Variants in MAP3K9 observed in about 807,000 individuals in gnomAD.
The protein encoded by MAP3K9 is mitogen-activated protein kinase kinase kinase 9, also known as mixed lineage kinase 1 (tyr and ser/thr specificity).
In MAP3K9, 46 loss-of-function variants were observed where a neutral mutation model predicts 95.8. The ratio of observed to expected loss-of-function variants is 0.48; its 90% CI spans 0.38 to 0.61. The LOEUF (loss-of-function observed/expected upper bound fraction) is 0.61, where lower values mean the gene tolerates loss of function less well. MAP3K9 is among the 20% of genes least tolerant of loss of function. MAP3K9 has a pLI of 0.00. For synonymous variants in MAP3K9, 533 were observed against 593.8 expected, an observed-to-expected ratio of 0.90 and a Z score of 1.49; for missense variants, 1,296 against 1,474.3, an observed-to-expected ratio of 0.88 and a Z score of 1.98.
At chr14:70,747,877 G>C (rs759730798) in intron 5 of MAP3K9, among the ~76,000 whole-genome samples, 1 of 152,092 alleles carries the variant, frequency 6.6e-6, no homozygotes, top group Non-Finnish European at 1.5e-5. Context: ...GGGAGGCCGA[G>C]GTGGGCGGAT....
At position 70,732,947 on chromosome 14, in the gene MAP3K9, T is replaced by C; in HGVS notation, c.2422A>G (p.Thr808Ala). The change falls in exon 11 of 12, where the codon ACC becomes GCC. Residue 808 changes from threonine to alanine, a missense_variant. This residue lies in a region of MAP3K9 where 433 missense variants were observed against 441.4 expected (regional missense o/e 0.98). Transcript: ENST00000554752. Reference sequence around the variant, plus strand: ...AAAAGCTTTCGGGATGGGGGGCTGGTGCTCCGACGAGGACGGCTGGACCTC... The same window carrying C: ...AAAAGCTTTCGGGATGGGGGGCTGGCGCTCCGACGAGGACGGCTGGACCTC... ...FQRSSRPRRS[T>A]SPPSRKLFKK... 6.2e-7 allele frequency: 1 copy of C among 1,614,082 alleles called. No homozygotes were observed. The highest frequency in any genetic ancestry group is 8.5e-7 in the Non-Finnish European group (1 of 1,179,982).
At chr14:70,755,270 C>T (rs2054284235) in intron 3 of MAP3K9, among the ~76,000 whole-genome samples, 1 of 152,214 alleles carries the variant, frequency 6.6e-6, no homozygotes, top group African/African-American at 2.4e-5. Context: ...CCCTGGCCCT[C>T]CCTGAGACAC....
At position 70,734,508 on chromosome 14, in the gene MAP3K9, A is replaced by G; in HGVS notation, c.1914-10T>C. The G allele has an allele frequency of 6.8e-7, 1 of 1,481,402 alleles. No individual in the cohort carries two copies. The highest frequency in any genetic ancestry group is 1.1e-5 in the South Asian group (1 of 87,312). The allele number at this position is 1,481,402 out of a possible 1,614,324, so 91.8% of individuals were successfully genotyped here. On this transcript the variant is annotated splice_polypyrimidine_tract_variant and intron_variant, in intron 9 of 11. Coordinates refer to ENST00000554752, the MANE Select transcript of MAP3K9 (RefSeq NM_001284230.2). ...TACCAGGGACTTGAGGCTGAATCAG[A>G]GGAAAAGAGGAAACTGTCAGAACTG... is the stretch of plus-strand genomic sequence containing the variant.
intron 2 of MAP3K9, among the ~76,000 whole-genome samples, chr14:70,781,367 T>C (rs2054674094): frequency 6.6e-6 from 1 of 152,222 alleles, no homozygotes; most frequent in Admixed American, 6.5e-5. Context: ...GTGAACAACC[T>C]TCAGATGGTT....
intron 2 of MAP3K9, among the ~76,000 whole-genome samples, chr14:70,772,092 C>T (rs942183511): frequency 1.3e-5 from 2 of 152,198 alleles, no homozygotes; most frequent in African/African-American, 2.4e-5. Flanking sequence ...CTAGACTCCC[C>T]GACTCGACCT....
intron 5 of MAP3K9, among the ~76,000 whole-genome samples, chr14:70,743,690 A>G (rs149295023): frequency 6.6e-6 from 1 of 152,352 alleles, no homozygotes; most frequent in Non-Finnish European, 1.5e-5. Flanking sequence ...GGTGATCAGT[A>G]AAAAGTCAGA....
chr14:70,802,807 T>G (rs904877872), intron 1 of MAP3K9, among the ~76,000 whole-genome samples: 3 of 152,192 alleles, frequency 2.0e-5, no homozygotes, highest in African/African-American at 7.2e-5. Context: ...TATTCACCAC[T>G]GCACTTGCCA....
intron 1 of MAP3K9, among the ~76,000 whole-genome samples, chr14:70,806,761 C>T (rs1566772520): frequency 5.9e-5 from 9 of 152,240 alleles, no homozygotes; most frequent in Admixed American, 5.2e-4. Context: ...GATCACGAAC[C>T]TCACCTAGCT....
At position 70,727,739 on chromosome 14, in the gene MAP3K9, CT is replaced by C. The variant is rs1459358913; in HGVS notation, c.*2640del. On this transcript the variant is annotated 3_prime_UTR_variant, in exon 12 of 12. Transcript: ENST00000554752. ...TCTTCATGGATGCTCACAGTAGCAC[CT>C]TTGGATAGCCCTGCTTTTGCTTCTT... is the stretch of plus-strand genomic sequence containing the variant. 1 of 152,242 alleles carries C rather than the reference CT, an allele frequency of 6.6e-6. No homozygotes were observed. The highest frequency in any genetic ancestry group is 1.9e-4 in the East Asian group (1 of 5,204). The allele number at this position is 152,242 out of a possible 1,614,324, so 9.4% of individuals were successfully genotyped here.
intron 2 of MAP3K9, among the ~76,000 whole-genome samples, chr14:70,788,321 A>T (rs1192180929): frequency 6.6e-6 from 1 of 152,260 alleles, no homozygotes; most frequent in East Asian, 1.9e-4. Flanking sequence ...GAATAAGTGT[A>T]GCAGATGGAA....
chr14:70,749,056 T>C (rs762517402), intron 4 of MAP3K9, 52 bp from the exon 5 acceptor site: 2 of 1,559,284 alleles, frequency 1.3e-6, no homozygotes. Context: ...GAAGCAAACA[T>C]GTAAGACTTA....
chr14:70,739,850 G>C, intron 7 of MAP3K9, 192 bp downstream of exon 7: 1 of 1,516,910 alleles, frequency 6.6e-7, no homozygotes, highest in Non-Finnish European at 8.9e-7. Context: ...GGGGGCAGTA[G>C]TAAAGTTAAT....
At chr14:70,802,187 C>G (rs1041833341) in intron 1 of MAP3K9, among the ~76,000 whole-genome samples, 2 of 152,204 alleles carry the variant, frequency 1.3e-5, no homozygotes, top group African/African-American at 4.8e-5. Context: ...AGGTCTGAAC[C>G]TCAGCAGCAG....
chr14:70,809,257 G>GA lies in MAP3K9; in HGVS notation c.-87dup, dbSNP rs1566774941. Reference sequence around the variant, plus strand: ...TGTTCATGCGCCTCCGCAGAGCTGGGAGGACCCCCCCCCAACGACGGCGGC... The same window carrying GA: ...TGTTCATGCGCCTCCGCAGAGCTGGGAAGGACCCCCCCCCAACGACGGCGGC... On this transcript the variant is annotated 5_prime_UTR_variant, in exon 1 of 12. Coordinates refer to ENST00000554752, the MANE Select transcript of MAP3K9 (RefSeq NM_001284230.2). 8.0e-7 allele frequency: 1 copy of GA among 1,256,372 alleles called. No individual in the cohort carries two copies. Among genetic ancestry groups the GA allele is most frequent in the African/African-American group, 1.6e-5 (1 of 64,116 alleles). The allele number at this position is 1,256,372 out of a possible 1,614,324, so 77.8% of individuals were successfully genotyped here.
intron 2 of MAP3K9, among the ~76,000 whole-genome samples, chr14:70,764,985 TA>T (rs1309322004): frequency 6.6e-6 from 1 of 152,248 alleles, no homozygotes; most frequent in Non-Finnish European, 1.5e-5. Flanking sequence ...AGTTTTTGTT[TA>T]TAAAGTTAAA....
At chr14:70,745,762 G>T (rs555578822) in intron 5 of MAP3K9, among the ~76,000 whole-genome samples, 4 of 151,888 alleles carry the variant, frequency 2.6e-5, no homozygotes, top group Non-Finnish European at 5.9e-5. Context: ...TGATAGAAAA[G>T]AAATGAGAAA....
At chr14:70,751,057 A>ATCTC (rs1555368745) in intron 3 of MAP3K9, among the ~76,000 whole-genome samples, 1 of 29,048 alleles carries the variant, frequency 3.4e-5, no homozygotes, top group Non-Finnish European at 7.1e-5. Flanking sequence ...CTTAACGGAG[A>ATCTC]TCTCTAATTC....
chr14:70,786,044 G>A (rs1377291195), intron 2 of MAP3K9, among the ~76,000 whole-genome samples: 2 of 152,092 alleles, frequency 1.3e-5, no homozygotes, highest in East Asian at 1.9e-4. Context: ...TGAATAATAA[G>A]CCAAGGAGAG....
intron 5 of MAP3K9, among the ~76,000 whole-genome samples, chr14:70,742,802 C>A (rs370129745): frequency 2.0e-5 from 3 of 151,804 alleles, no homozygotes; most frequent in East Asian, 3.9e-4. Flanking sequence ...GCCATACTGA[C>A]GGGACAGTCA....
Sources: allele counts gnomAD v4.1 joint callset (sites outside exome capture counted in the v4.1 genomes callset), GRCh38; gene constraint gnomAD v4.1.1; regional missense constraint gnomAD v4.1.1; transcripts MANE v1.5; gene names NCBI Gene and HGNC (gene_info 2026-07-23, HGNC 2026-07-21).